RAB28: variants seen among roughly 807,000 people sequenced by gnomAD.
The protein encoded by RAB28 is RAB28, member RAS oncogene family, also known as ras-related protein Rab-28.
In RAB28, 24 loss-of-function variants were observed where a neutral mutation model predicts 31.7. The observed-to-expected ratio is 0.76, with a 90% CI of 0.55 to 1.06. The LOEUF (loss-of-function observed/expected upper bound fraction) is 1.06. RAB28 is among the 50% of genes least tolerant of loss of function. RAB28 has a pLI of 0.00. For synonymous variants in RAB28, 100 were observed against 90.4 expected (o/e 1.11, Z -0.60); for missense variants, 254 against 258.5 (o/e 0.98, Z 0.12).
chr4:13,425,198 T>C (rs1713405581), intron 4 of RAB28, among the ~76,000 whole-genome samples: 1 of 152,178 alleles, frequency 6.6e-6, no homozygotes, highest in African/African-American at 2.4e-5. Flanking sequence ...GTATCAAAGA[T>C]TTTTGATACC....
chr4:13,459,832 T>A lies in RAB28; in HGVS notation c.391+867A>T, dbSNP rs1226581404. ...GAGATCATTCAATGAAATGCATCGC[T>A]CAAAACCTCTGGGACAGAGCTGAAA... On this transcript the variant is annotated intron_variant, in intron 4 of 6. Coordinates refer to ENST00000330852, the MANE Select transcript of RAB28 (RefSeq NM_001017979.3). The A allele has an allele frequency of 4.7e-6, 6 of 1,276,846 alleles. No homozygotes were observed. In the African/African-American group the frequency reaches 7.7e-5, roughly 16 times the overall value. The allele number at this position is 1,276,846 out of a possible 1,614,324, so 79.1% of individuals were successfully genotyped here. A position where few individuals can be genotyped will look rare whatever the true frequency, so the allele number is the denominator to read the frequency against.
At chr4:13,480,014 G>A (rs576619445) in intron 1 of RAB28, among the ~76,000 whole-genome samples, 8 of 151,604 alleles carry the variant, frequency 5.3e-5, no homozygotes, top group East Asian at 3.9e-4. Context: ...GAAAAGCACC[G>A]TATGTAATTT....
intron 4 of RAB28, among the ~76,000 whole-genome samples, chr4:13,446,856 A>G (rs1205265137): frequency 6.6e-6 from 1 of 152,082 alleles, no homozygotes; most frequent in African/African-American, 2.4e-5. Context: ...CATATATCCA[A>G]CTGCTTACTA....
Position 13,368,500 on chromosome 4 carries a change from T to C in RAB28, c.*58A>G. 1.3e-6 allele frequency: 2 copies of C among 1,553,414 alleles called. No homozygotes were observed. Among genetic ancestry groups the C allele is most frequent in the Non-Finnish European group, 1.7e-6 (2 of 1,155,958 alleles). On this transcript the variant is annotated 3_prime_UTR_variant, in exon 7 of 7. Coordinates refer to ENST00000330852, the MANE Select transcript of RAB28 (RefSeq NM_001017979.3). ...TGATAAAACAAGTTCCTAGAAGTCC[T>C]CGGGCCCACCCAGAGGTGAAGGGCA...
chr4:13,409,117 T>C (rs1712272610), intron 4 of RAB28, among the ~76,000 whole-genome samples: 1 of 152,042 alleles, frequency 6.6e-6, no homozygotes, highest in Non-Finnish European at 1.5e-5. Context: ...TCATGTGGGG[T>C]CAAAAGTGAC....
At chr4:13,389,690 A>G (rs922232670) in intron 4 of RAB28, among the ~76,000 whole-genome samples, 1 of 151,852 alleles carries the variant, frequency 6.6e-6, no homozygotes, top group Non-Finnish European at 1.5e-5. Context: ...CACTACATGC[A>G]TAGATATTTT....
At chr4:13,460,599 G>C (rs1490138071) in intron 4 of RAB28, 100 bp downstream of exon 4, 1 of 1,438,828 alleles carries the variant, frequency 7.0e-7, no homozygotes, top group African/African-American at 1.4e-5. Flanking sequence ...TTGGGGATTA[G>C]GTCTTTGACA....
At chr4:13,453,266 T>A (rs1294857613) in intron 4 of RAB28, among the ~76,000 whole-genome samples, 3 of 152,192 alleles carry the variant, frequency 2.0e-5, no homozygotes, top group African/African-American at 7.2e-5. Flanking sequence ...TTAGTTTAAA[T>A]TCAAAATTAT....
intron 4 of RAB28, among the ~76,000 whole-genome samples, chr4:13,438,163 T>C (rs1714226399): frequency 1.3e-5 from 2 of 152,182 alleles, no homozygotes; most frequent in Non-Finnish European, 1.5e-5. Context: ...TGTCCATGTA[T>C]TAATCCAGAT....
At chr4:13,409,363 G>A (rs562580322) in intron 4 of RAB28, among the ~76,000 whole-genome samples, 4 of 152,290 alleles carry the variant, frequency 2.6e-5, no homozygotes, top group African/African-American at 9.6e-5. Flanking sequence ...TACATTATAT[G>A]TCTATAGCAT....
At chr4:13,422,886 C>G (rs2108923066) in intron 4 of RAB28, among the ~76,000 whole-genome samples, 1 of 149,588 alleles carries the variant, frequency 6.7e-6, no homozygotes, top group South Asian at 2.1e-4. Flanking sequence ...TACCCTAGAA[C>G]TTAAAGTATA....
At chr4:13,433,398 C>T (rs541492742) in intron 4 of RAB28, among the ~76,000 whole-genome samples, 8 of 152,150 alleles carry the variant, frequency 5.3e-5, no homozygotes, top group African/African-American at 1.9e-4. Flanking sequence ...AAATTTTGCA[C>T]ACTATGTATC....
intron 3 of RAB28, among the ~76,000 whole-genome samples, chr4:13,465,622 G>A (rs1715801337): frequency 6.6e-6 from 1 of 151,808 alleles, no homozygotes; most frequent in African/African-American, 2.4e-5. Flanking sequence ...TTCATTGTCA[G>A]CAAACCTGCT....
intron 4 of RAB28, among the ~76,000 whole-genome samples, chr4:13,393,347 G>C (rs1386527027): frequency 6.6e-6 from 1 of 152,200 alleles, no homozygotes; most frequent in African/African-American, 2.4e-5. Flanking sequence ...GAAAGAACCT[G>C]GCTTCCAAGA....
At chr4:13,434,243 C>T (rs1713971431) in intron 4 of RAB28, among the ~76,000 whole-genome samples, 1 of 152,162 alleles carries the variant, frequency 6.6e-6, no homozygotes, top group Non-Finnish European at 1.5e-5. Flanking sequence ...TGGGATCAAT[C>T]ATACCCCAAA....
intron 6 of RAB28, among the ~76,000 whole-genome samples, chr4:13,373,276 T>C (rs1010484993): frequency 6.6e-6 from 1 of 152,038 alleles, no homozygotes; most frequent in African/African-American, 2.4e-5. Context: ...ACTTTGCAAA[T>C]AAAAAATCTG....
chr4:13,370,009 T>TAAAAAAAAAAAAAAAAA, intron 6 of RAB28: 1 of 1,233,892 alleles, frequency 8.1e-7, no homozygotes, highest in Non-Finnish European at 1.1e-6. Context: ...AAAAAAGAAT[T>TAAAAAAAAAAAAAAAAA]AAAAAAAAAA....
At chr4:13,459,704 A>G in intron 4 of RAB28, 1 of 961,152 alleles carries the variant, frequency 1.0e-6, no homozygotes. Context: ...ATTATATTTC[A>G]GAAAAAAAAC....
chr4:13,476,303 T>C (rs28451763), intron 2 of RAB28, among the ~76,000 whole-genome samples: 2,555 of 151,600 alleles, frequency 0.017, 69 homozygotes, highest in African/African-American at 0.058. Flanking sequence ...AAGAGGTTCA[T>C]AGTCATGTGT....
Sources: gnomAD v4.1 joint callset for allele counts (sites outside exome capture counted in the v4.1 genomes callset) on GRCh38, gnomAD v4.1.1 for gene constraint, MANE v1.5 for transcripts, NCBI Gene and HGNC (gene_info 2026-07-23, HGNC 2026-07-21) for gene names.